TMEM169: variants seen among roughly 807,000 people sequenced by gnomAD.
TMEM169 encodes the protein transmembrane protein 169.
A neutral mutation model predicts 27.3 loss-of-function variants in TMEM169; 18 were observed. The observed-to-expected ratio is 0.66, with a 90% CI of 0.46 to 0.98. The LOEUF (loss-of-function observed/expected upper bound fraction) is 0.98. Ranked by LOEUF, TMEM169 falls within the 50% of genes least tolerant of loss-of-function variation. TMEM169 has a pLI of 0.00. For missense variants in TMEM169, 320 were observed against 368.6 expected (o/e 0.87, Z 1.08); for synonymous variants, 136 against 142.1 (o/e 0.96, Z 0.30).
At chr2:216,096,791 G>A (rs920944627) in intron 2 of TMEM169, among the ~76,000 whole-genome samples, 27 of 152,118 alleles carry the variant, frequency 1.8e-4, no homozygotes, top group African/African-American at 6.0e-4. Context: ...TGATTTATAC[G>A]CAAAAACTGG....
At chr2:216,094,062 G>A (rs946455839) in intron 1 of TMEM169, among the ~76,000 whole-genome samples, 1 of 152,182 alleles carries the variant, frequency 6.6e-6, no homozygotes, top group Non-Finnish European at 1.5e-5. Context: ...GGCAAATGGT[G>A]TACATGTGGC....
rs1399873107 is a variant in TMEM169, at chr2:216,102,687, A to G, written c.*2145A>G. On this transcript the variant is annotated 3_prime_UTR_variant, in exon 3 of 3. Transcript: ENST00000437356. ...GAAAAAAAAAGTGCCCAACAGTTTTAGTGTTAATCTTGGTGCTCTATGGTG... is the reference window on the plus strand; with the variant it reads ...GAAAAAAAAAGTGCCCAACAGTTTTGGTGTTAATCTTGGTGCTCTATGGTG... The G allele has an allele frequency of 1.3e-5, 2 of 151,916 alleles. No homozygotes were observed. The highest frequency in any genetic ancestry group is 3.9e-4 in the East Asian group (2 of 5,188). The allele number at this position is 151,916 out of a possible 1,614,324, so 9.4% of individuals were successfully genotyped here. A position where few individuals can be genotyped will look rare whatever the true frequency, so the allele number is the denominator to read the frequency against.
At chr2:216,093,286 C>T (rs1331137300) in intron 1 of TMEM169, among the ~76,000 whole-genome samples, 1 of 151,984 alleles carries the variant, frequency 6.6e-6, no homozygotes, top group East Asian at 1.9e-4. Context: ...TGGTCAAGCT[C>T]ATCAATGCCC....
chr2:216,096,174 G>T lies in TMEM169; in HGVS notation c.211G>T (p.Gly71Cys). The T allele has an allele frequency of 6.2e-7, 1 of 1,614,152 alleles. No homozygotes were observed. Among genetic ancestry groups the T allele is most frequent in the East Asian group, 2.2e-5 (1 of 44,886 alleles). Residue 71 changes from glycine (G) to cysteine (C), a missense_variant, in exon 2 of 3, where the codon GGT becomes TGT. By Grantham distance (159) the Gly-to-Cys change is radical (BLOSUM62 -3). Coordinates refer to ENST00000437356, the MANE Select transcript of TMEM169 (RefSeq NM_001142311.2). Reference sequence around the variant, plus strand: ...AGATGAGGAGCCCGGAGAATCAGAAGGTGGAGATCAGCCTAAAGAGGAGGA... The same window carrying T: ...AGATGAGGAGCCCGGAGAATCAGAATGTGGAGATCAGCCTAAAGAGGAGGA... ...KTDEEPGESE[G>C]GDQPKEEEGD...
rs778515573 is a variant in TMEM169, at chr2:216,096,192, G to A, written c.229G>A (p.Glu77Lys). ...ATCAGAAGGTGGAGATCAGCCTAAAGAGGAGGAGGGAGATGATTTCCTAGA... is the reference window on the plus strand; with the variant it reads ...ATCAGAAGGTGGAGATCAGCCTAAAAAGGAGGAGGGAGATGATTTCCTAGA... ...GESEGGDQPKEEEGDDFLDYP... is the reference protein window; with the variant it reads ...GESEGGDQPKKEEGDDFLDYP... The change falls in exon 2 of 3, where the codon GAG (glutamate) becomes AAG (lysine). Residue 77 changes from glutamate to lysine, a missense_variant. Transcript: ENST00000437356. The A allele has an allele frequency of 6.2e-7, 1 of 1,614,166 alleles. No homozygotes were observed. Among genetic ancestry groups the A allele is most frequent in the South Asian group, 1.1e-5 (1 of 91,066 alleles).
chr2:216,086,727 T>C (rs943128150), intron 1 of TMEM169, among the ~76,000 whole-genome samples: 6 of 152,228 alleles, frequency 3.9e-5, no homozygotes, highest in African/African-American at 1.2e-4. Flanking sequence ...GGTTTTCCCA[T>C]TGGTGGTTAA....
chr2:216,081,931 C>T lies in TMEM169; in HGVS notation c.-175C>T, dbSNP rs1276296349. 3.9e-5 allele frequency: 24 copies of T among 609,572 alleles called. No individual in the cohort carries two copies. In the African/African-American group the frequency reaches 4.3e-4, roughly 11 times the overall value. 37.8% of individuals were successfully genotyped at this position (609,572 alleles called of 1,614,324 possible). On this transcript the variant is annotated 5_prime_UTR_variant, in exon 1 of 3. Coordinates refer to ENST00000437356, the MANE Select transcript of TMEM169 (RefSeq NM_001142311.2). Reference sequence around the variant, plus strand: ...ATCCTCCCGGAGCAGAACCGCTCCCCGCCGGCTGTCCGCAACCTCCGCCAG... The same window carrying T: ...ATCCTCCCGGAGCAGAACCGCTCCCTGCCGGCTGTCCGCAACCTCCGCCAG...
At chr2:216,092,078 C>A (rs950400881) in intron 1 of TMEM169, among the ~76,000 whole-genome samples, 1 of 152,112 alleles carries the variant, frequency 6.6e-6, no homozygotes, top group Non-Finnish European at 1.5e-5. Context: ...AGGAGCTCAC[C>A]CTTTACATTT....
chr2:216,089,875 A>G (rs560351754), intron 1 of TMEM169, among the ~76,000 whole-genome samples: 1 of 152,362 alleles, frequency 6.6e-6, no homozygotes, highest in African/African-American at 2.4e-5. Context: ...CAAGTGTGGA[A>G]AATAAGACCT....
At chr2:216,088,480 CAG>C (rs1696058361) in intron 1 of TMEM169, among the ~76,000 whole-genome samples, 1 of 152,144 alleles carries the variant, frequency 6.6e-6, no homozygotes, top group African/African-American at 2.4e-5. Context: ...AACAAACAAA[CAG>C]ACAAAAATTG....
Position 216,096,181 on chromosome 2 carries a change from A to T in TMEM169, c.218A>T (p.Asp73Val), listed in dbSNP as rs753343321. Residue 73 changes from aspartate to valine, a missense_variant, in exon 2 of 3, where the codon GAT becomes GTT. By Grantham distance (152) the Asp-to-Val change is radical. Coordinates refer to ENST00000437356, the MANE Select transcript of TMEM169 (RefSeq NM_001142311.2). ...DEEPGESEGG[D>V]QPKEEEGDDF... ...GAGCCCGGAGAATCAGAAGGTGGAGATCAGCCTAAAGAGGAGGAGGGAGAT... is the reference window on the plus strand; with the variant it reads ...GAGCCCGGAGAATCAGAAGGTGGAGTTCAGCCTAAAGAGGAGGAGGGAGAT... 5.0e-6 allele frequency: 8 copies of T among 1,614,074 alleles called. 1 individual carries two copies. Among genetic ancestry groups the T allele is most frequent in the Non-Finnish European group, 6.8e-6 (8 of 1,180,036 alleles).
At chr2:216,085,871 CAA>C (rs35553205) in intron 1 of TMEM169, among the ~76,000 whole-genome samples, 13 of 133,822 alleles carry the variant, frequency 9.7e-5, no homozygotes, top group African/African-American at 2.8e-4. Flanking sequence ...AACTCCATCT[CAA>C]AAAAAAAAAA....
intron 1 of TMEM169, chr2:216,082,949 G>A (rs1240642807): frequency 1.3e-5 from 2 of 152,202 alleles, no homozygotes; most frequent in African/African-American, 2.4e-5. Flanking sequence ...GATTCACAAA[G>A]CCAATTGGAA....
At position 216,100,541 on chromosome 2, in the gene TMEM169, A is replaced by G. The variant is rs1395156228; in HGVS notation, c.893A>G (p.Ter298=). 6.2e-7 allele frequency: 1 copy of G among 1,614,122 alleles called. No individual in the cohort carries two copies. Among genetic ancestry groups the G allele is most frequent in the South Asian group, 1.1e-5 (1 of 91,082 alleles). Residue 298 remains the stop codon, a stop_retained_variant, in exon 3 of 3, where the codon TAA becomes TGA. Transcript: ENST00000437356. Reference sequence around the variant, plus strand: ...CAAGAAGTAGAAACCTCCACGGTCTAAACTCCCAACAACTTACTCCCTCCT... The same window carrying G: ...CAAGAAGTAGAAACCTCCACGGTCTGAACTCCCAACAACTTACTCCCTCCT... The part of the protein sequence containing the change: ...PIQEVETSTV[*]
At chr2:216,085,147 G>A (rs1032272654) in intron 1 of TMEM169, among the ~76,000 whole-genome samples, 16 of 152,100 alleles carry the variant, frequency 1.1e-4, no homozygotes, top group African/African-American at 3.4e-4. Flanking sequence ...GCGCTGCCAC[G>A]CCTGACCATC....
intron 1 of TMEM169, among the ~76,000 whole-genome samples, chr2:216,084,280 C>G (rs576128439): frequency 7.9e-5 from 12 of 151,118 alleles, no homozygotes; most frequent in Admixed American, 1.3e-4. Context: ...CTCCCAGAAT[C>G]TCAGTGCTGA....
intron 1 of TMEM169, among the ~76,000 whole-genome samples, chr2:216,093,879 T>G (rs1035254911): frequency 2.0e-5 from 3 of 152,164 alleles, no homozygotes; most frequent in African/African-American, 7.2e-5. Flanking sequence ...ACCAAAGATA[T>G]ATAAATTTGC....
intron 1 of TMEM169, among the ~76,000 whole-genome samples, chr2:216,088,727 T>C (rs1696063544): frequency 6.6e-6 from 1 of 152,206 alleles, no homozygotes; most frequent in African/African-American, 2.4e-5. Context: ...AGATAATGCA[T>C]GTACTGTATA....
At chr2:216,088,897 T>G (rs1269212062) in intron 1 of TMEM169, among the ~76,000 whole-genome samples, 2 of 152,202 alleles carry the variant, frequency 1.3e-5, no homozygotes, top group African/African-American at 4.8e-5. Flanking sequence ...GGTTTGAACA[T>G]GCTTTGCTAA....
Sources: gnomAD v4.1 joint callset for allele counts (sites outside exome capture counted in the v4.1 genomes callset) on GRCh38, gnomAD v4.1.1 for gene constraint, MANE v1.5 for transcripts, NCBI Gene and HGNC (gene_info 2026-07-23, HGNC 2026-07-21) for gene names.